Variants in GIMAP4 observed in about 807,000 individuals in gnomAD.
GIMAP4 encodes the protein GTPase, IMAP family member 4.
Under a neutral mutation model 10.8 loss-of-function variants are expected in GIMAP4, and 12 were observed. That is an observed-to-expected ratio of 1.11 (90% CI 0.71 to 1.81). GIMAP4 has a LOEUF of 1.81. Ranked by LOEUF, GIMAP4 falls within the 40% of genes most tolerant of loss-of-function variation. The pLI, the probability that GIMAP4 is intolerant of heterozygous loss-of-function variation, is 0.00. For missense variants in GIMAP4, 412 were observed against 404.6 expected, an observed-to-expected ratio of 1.02 and a Z score of -0.16; for synonymous variants, 149 against 147.2, an observed-to-expected ratio of 1.01 and a Z score of -0.09.
At chr7:150,567,698 A>G (rs575050438) in intron 1 of GIMAP4, among the ~76,000 whole-genome samples, 2 of 152,270 alleles carry the variant, frequency 1.3e-5, no homozygotes, top group South Asian at 4.1e-4. Flanking sequence ...TGGAATTTAT[A>G]TAGAAACTTT....
chr7:150,569,147 A>C (rs1795698344), intron 1 of GIMAP4, among the ~76,000 whole-genome samples: 1 of 152,212 alleles, frequency 6.6e-6, no homozygotes, highest in Non-Finnish European at 1.5e-5. Flanking sequence ...TAGGAAATTT[A>C]AACAAGAAAA....
At chr7:150,569,022 TC>T (rs1795697087) in intron 1 of GIMAP4, among the ~76,000 whole-genome samples, 1 of 152,096 alleles carries the variant, frequency 6.6e-6, no homozygotes, top group East Asian at 1.9e-4. Flanking sequence ...AGCCTAGATT[TC>T]CAGAACATTG....
chr7:150,572,388 C>A lies in GIMAP4; in HGVS notation c.318C>A (p.Cys106Ter). 6.2e-7 allele frequency: 1 copy of A among 1,614,104 alleles called. No homozygotes were observed. The highest frequency in any genetic ancestry group is 8.5e-7 in the Non-Finnish European group (1 of 1,179,964). ...AAACGTCCAAGGAGATTATTCGCTG[C>A]ATTCTTCTGACCTCCCCAGGGCCTC... The part of the protein sequence containing the change: ...NAETSKEIIR[C>*]ILLTSPGPHA... The change falls in exon 3 of 3, where the codon TGC becomes TGA. Residue 106 changes from cysteine (C) to a stop codon, truncating the protein, a stop_gained. Transcript: ENST00000255945. LOFTEE classifies it high-confidence loss of function.
In GIMAP4 at chr7:150,572,446, T is replaced by C; in HGVS notation, c.376T>C (p.Tyr126His). Residue 126 changes from tyrosine to histidine, a missense_variant, in exon 3 of 3, where the codon TAC becomes CAC. By Grantham distance (83) the Tyr-to-His change is moderately conservative. Transcript: ENST00000255945. ...GCTTCTGGTGGTTCCACTGGGCCGT[T>C]ACACTGAGGAAGAGCACAAAGCCAC... ...ALLLVVPLGR[Y>H]TEEEHKATEK... 1 of 1,614,142 alleles carries C rather than the reference T, an allele frequency of 6.2e-7. No individual in the cohort carries two copies. The highest frequency in any genetic ancestry group is 8.5e-7 in the Non-Finnish European group (1 of 1,179,968).
chr7:150,571,797 AG>A (rs1795731415), intron 2 of GIMAP4, among the ~76,000 whole-genome samples: 1 of 152,196 alleles, frequency 6.6e-6, no homozygotes, highest in African/African-American at 2.4e-5. Flanking sequence ...GAAAAAATAA[AG>A]GTACAAACAG....
chr7:150,569,844 T>C, intron 1 of GIMAP4, 44 bp from the exon 2 acceptor site: 1 of 907,134 alleles, frequency 1.1e-6, no homozygotes, highest in Admixed American at 1.7e-5. Flanking sequence ...TTCTAGTTGC[T>C]TCCATTTCCC....
chr7:150,572,054 G>A (rs900798257), intron 2 of GIMAP4, 75 bp from the exon 3 acceptor site: 18 of 914,500 alleles, frequency 2.0e-5, no homozygotes, highest in Non-Finnish European at 2.9e-5. Flanking sequence ...GGGCACTGGG[G>A]GTGAGGACTC....
At chr7:150,569,639 T>TA (rs1795705370) in intron 1 of GIMAP4, among the ~76,000 whole-genome samples, 1 of 151,906 alleles carries the variant, frequency 6.6e-6, no homozygotes, top group African/African-American at 2.4e-5. Context: ...AATCTCTAGA[T>TA]AGAGGGGGGA....
chr7:150,568,666 T>C (rs925331835), intron 1 of GIMAP4, among the ~76,000 whole-genome samples: 16 of 152,208 alleles, frequency 1.1e-4, no homozygotes, highest in Admixed American at 9.8e-4. Flanking sequence ...CATTTATTTA[T>C]TTAACAATGA....
intron 1 of GIMAP4, among the ~76,000 whole-genome samples, chr7:150,567,814 C>T (rs1795680729): frequency 6.6e-6 from 1 of 152,138 alleles, no homozygotes; most frequent in Non-Finnish European, 1.5e-5. Flanking sequence ...CATATGTGGC[C>T]CCACAAAGAC....
rs1795708187 is a variant in GIMAP4, at chr7:150,569,878, T to C, written c.-14-10T>C. On this transcript the variant is annotated splice_polypyrimidine_tract_variant and intron_variant, in intron 1 of 2. Coordinates refer to ENST00000255945, the MANE Select transcript of GIMAP4 (RefSeq NM_018326.3). ...CCTAAAATGACATGGTTATGTTTCTTGATCTACAGGAGTTCAAGCGACAAT... is the reference window on the plus strand; with the variant it reads ...CCTAAAATGACATGGTTATGTTTCTCGATCTACAGGAGTTCAAGCGACAAT... 1.6e-6 allele frequency: 2 copies of C among 1,224,424 alleles called. No homozygotes were observed. Among genetic ancestry groups the C allele is most frequent in the Non-Finnish European group, 2.4e-6 (2 of 824,804 alleles). The allele number at this position is 1,224,424 out of a possible 1,614,324, so 75.8% of individuals were successfully genotyped here.
At position 150,572,210 on chromosome 7, in the gene GIMAP4, G is replaced by C; in HGVS notation, c.140G>C (p.Gly47Ala). The C allele has an allele frequency of 6.2e-7, 1 of 1,614,064 alleles. No individual in the cohort carries two copies. The highest frequency in any genetic ancestry group is 1.1e-5 in the South Asian group (1 of 91,086). ...ACCGGAGCAGGAAAAAGTGCAACAG[G>C]AAACAGCATCCTTGGCCGGAAAGTG... is the stretch of plus-strand genomic sequence containing the variant. ...GKTGAGKSAT[G>A]NSILGRKVFH... The change falls in exon 3 of 3, where the codon GGA becomes GCA. Residue 47 changes from glycine to alanine, a missense_variant. Physicochemically the swap from Gly to Ala is moderately conservative, Grantham distance 60 (BLOSUM62 0). Transcript: ENST00000255945.
At chr7:150,571,917 A>G (rs888567799) in intron 2 of GIMAP4, among the ~76,000 whole-genome samples, 1 of 152,234 alleles carries the variant, frequency 6.6e-6, no homozygotes, top group African/African-American at 2.4e-5. Flanking sequence ...CTAAAAAGCA[A>G]GATTGAAGAT....
In GIMAP4 at chr7:150,572,908, G is replaced by C; in HGVS notation, c.838G>C (p.Glu280Gln). ...VEQEKRKKQM[E>Q]KKLAEQEAHY... ...GCAGGAAAAGAGAAAGAAGCAAATG[G>C]AGAAGAAACTAGCAGAACAGGAGGC... Residue 280 changes from glutamate to glutamine, a missense_variant, in exon 3 of 3, where the codon GAG becomes CAG. Glu to Gln is a conservative substitution (Grantham distance 29). Transcript: ENST00000255945. 1 of 1,614,092 alleles carries C rather than the reference G, an allele frequency of 6.2e-7. No homozygotes were observed.
chr7:150,572,316 CGT>C lies in GIMAP4; in HGVS notation c.247_248del (p.Val83SerfsTer2). 6.2e-7 allele frequency: 1 copy of C among 1,613,878 alleles called. No individual in the cohort carries two copies. The highest frequency in any genetic ancestry group is 8.5e-7 in the Non-Finnish European group (1 of 1,179,786). ...GCTCATGGAAGGAAACAGAACTTGT[CGT>C]AGTTGACACACCAGGCATTTTCGAC... ...SSSWKETELV[V>X]VDTPGIFDTE... On this transcript the variant is annotated frameshift_variant, in exon 3 of 3. Transcript: ENST00000255945. LOFTEE classifies it high-confidence loss of function.
In GIMAP4 at chr7:150,572,840, A is replaced by T. The variant is rs549304487; in HGVS notation, c.770A>T (p.Glu257Val). The T allele has an allele frequency of 1.2e-6, 2 of 1,613,794 alleles. No individual in the cohort carries two copies. Among genetic ancestry groups the T allele is most frequent in the Admixed American group, 1.7e-5 (1 of 59,962 alleles). Residue 257 changes from glutamate to valine, a missense_variant, in exon 3 of 3, where the codon GAG (glutamate) becomes GTG (valine). Coordinates refer to ENST00000255945, the MANE Select transcript of GIMAP4 (RefSeq NM_018326.3). The stretch of plus-strand genomic sequence containing the variant: ...GAGAGAGAGAAAGCGCGGATAAGAG[A>T]GGAGTATGAAGAGAAAATCAGAAAG... ...ELEREKARIR[E>V]EYEEKIRKLE...
At position 150,573,025 on chromosome 7, in the gene GIMAP4, T is replaced by G. The variant is rs766414228; in HGVS notation, c.955T>G (p.Ser319Ala). 1.2e-6 allele frequency: 2 copies of G among 1,605,854 alleles called. No homozygotes were observed. Among genetic ancestry groups the G allele is most frequent in the Admixed American group, 1.7e-5 (1 of 58,822 alleles). ...ELIMTALQIA[S>A]FILLRLFAED ...AATCATGACAGCGTTACAGATTGCT[T>G]CCTTTATTTTGTTACGTCTGTTCGC... The change falls in exon 3 of 3, where the codon TCC becomes GCC. Residue 319 changes from serine to alanine, a missense_variant. Physicochemically the swap from Ser to Ala is moderately conservative, Grantham distance 99. Coordinates refer to ENST00000255945, the MANE Select transcript of GIMAP4 (RefSeq NM_018326.3).
chr7:150,571,353 T>C (rs1795726184), intron 2 of GIMAP4, among the ~76,000 whole-genome samples: 1 of 152,220 alleles, frequency 6.6e-6, no homozygotes, highest in Admixed American at 6.6e-5. Flanking sequence ...AATGATAAGT[T>C]GCATAACCCA....
At chr7:150,571,232 A>G (rs1328897821) in intron 2 of GIMAP4, among the ~76,000 whole-genome samples, 1 of 152,170 alleles carries the variant, frequency 6.6e-6, no homozygotes, top group Non-Finnish European at 1.5e-5. Context: ...TTTTCCTTAG[A>G]TAATCTTAGC....
Sources: allele counts gnomAD v4.1 joint callset (sites outside exome capture counted in the v4.1 genomes callset), GRCh38; gene constraint gnomAD v4.1.1; transcripts MANE v1.5; gene names NCBI Gene and HGNC (gene_info 2026-07-23, HGNC 2026-07-21).